The following SDHB variants were observed in gnomAD, a reference collection of about 807,000 sequenced individuals.
SDHB encodes the protein succinate dehydrogenase [ubiquinone] iron-sulfur subunit, mitochondrial.
SDHB carries 21 observed loss-of-function variants against 39.7 expected under a neutral mutation model. That is an observed-to-expected ratio of 0.53 (90% CI 0.37 to 0.76). The LOEUF (loss-of-function observed/expected upper bound fraction) is 0.76. Among genes scored for constraint, SDHB ranks in the 30% least tolerant of loss-of-function variants. SDHB has a pLI of 0.00. For synonymous variants in SDHB, 118 were observed against 117.0 expected, an observed-to-expected ratio of 1.01 and a Z score of -0.06; for missense variants, 343 against 350.9, an observed-to-expected ratio of 0.98 and a Z score of 0.18.
chr1:17,029,330 C>G lies in SDHB; in HGVS notation c.287-594G>C, dbSNP rs1296415156. ...CAGAGACAGGGTTTTGTTATGTTGC[C>G]CAGGCTGGGCTTGAACTGCTGGGCT... On this transcript the variant is annotated intron_variant, in intron 3 of 7. Coordinates refer to ENST00000375499, the MANE Select transcript of SDHB (RefSeq NM_003000.3). Among the ~76,000 whole-genome samples the G allele has an allele frequency of 2.0e-5, 3 of 151,786 alleles. No homozygotes were observed. In the South Asian group the frequency reaches 6.2e-4, roughly 32 times the overall value.
intron 1 of SDHB, among the ~76,000 whole-genome samples, chr1:17,050,070 T>C (rs2078136741): frequency 6.6e-6 from 1 of 152,192 alleles, no homozygotes; most frequent in Admixed American, 6.6e-5. Context: ...CAATGAGGTT[T>C]TCCCTTCAAC....
intron 2 of SDHB, among the ~76,000 whole-genome samples, chr1:17,042,384 G>A (rs528177010): frequency 5.9e-4 from 90 of 152,134 alleles, no homozygotes; most frequent in African/African-American, 1.9e-3. Flanking sequence ...ATTTTTTTCC[G>A]GAGTTGATCA....
At chr1:17,026,627 A>C (rs958215812) in intron 5 of SDHB, among the ~76,000 whole-genome samples, 1 of 152,040 alleles carries the variant, frequency 6.6e-6, no homozygotes, top group Non-Finnish European at 1.5e-5. Context: ...GGCCTCCCTA[A>C]GTGCTGGGAT....
intron 3 of SDHB, among the ~76,000 whole-genome samples, chr1:17,030,544 G>A (rs1008141548): frequency 3.9e-5 from 6 of 152,124 alleles, no homozygotes; most frequent in Admixed American, 2.0e-4. Context: ...CCTACTTCCT[G>A]TATATGGAAA....
At chr1:17,050,375 G>A (rs199935606) in intron 1 of SDHB, among the ~76,000 whole-genome samples, 2 of 148,736 alleles carry the variant, frequency 1.3e-5, no homozygotes, top group Non-Finnish European at 3.0e-5. Flanking sequence ...TAGGCCAGGC[G>A]TGGTGGCTCA....
rs140946647 is a variant in SDHB at position 17,031,499 on chromosome 1, G to T, written c.286+1561C>A. On this transcript the variant is annotated intron_variant, in intron 3 of 7. Coordinates refer to ENST00000375499, the MANE Select transcript of SDHB (RefSeq NM_003000.3). ...TCCTACAGGGAAAGGTTACTGAAAA[G>T]CATCTACCTTTCCTGTGTTGCCAGG... Among the ~76,000 whole-genome samples, 437 of 152,274 alleles carry T rather than the reference G, an allele frequency of 2.9e-3. 5 individuals carry two copies. The highest frequency in any genetic ancestry group is 0.01 in the African/African-American group (419 of 41,564).
chr1:17,034,657 GGT>G (rs1190157457), intron 2 of SDHB, among the ~76,000 whole-genome samples: 7 of 152,166 alleles, frequency 4.6e-5, no homozygotes, highest in Admixed American at 4.6e-4. Context: ...TGGGATTACA[GGT>G]GTGAGCGACT....
intron 1 of SDHB, among the ~76,000 whole-genome samples, chr1:17,053,700 T>TCC (rs35029966): frequency 4.2e-5 from 5 of 118,320 alleles, no homozygotes; most frequent in African/African-American, 9.3e-5. Flanking sequence ...TTTCTGAACG[T>TCC]CCCCCCCCCC....
chr1:17,020,227 A>C (rs755495407), intron 7 of SDHB, among the ~76,000 whole-genome samples: 1 of 152,106 alleles, frequency 6.6e-6, no homozygotes, highest in Non-Finnish European at 1.5e-5. Context: ...TAGACTTAGA[A>C]GGTTGGTACA....
chr1:17,047,173 T>C (rs1313007441), intron 1 of SDHB, among the ~76,000 whole-genome samples: 1 of 151,924 alleles, frequency 6.6e-6, no homozygotes, highest in Non-Finnish European at 1.5e-5. Context: ...CTGGCCAACA[T>C]GGTGAAACTC....
intron 2 of SDHB, among the ~76,000 whole-genome samples, chr1:17,039,938 T>A (rs756098053): frequency 2.6e-5 from 4 of 152,238 alleles, no homozygotes; most frequent in Non-Finnish European, 5.9e-5. Flanking sequence ...AAGAGCCAAG[T>A]TTCCACCTGG....
chr1:17,023,842 C>G (rs1328978742), intron 6 of SDHB, 131 bp downstream of exon 6: 3 of 723,308 alleles, frequency 4.1e-6, no homozygotes, highest in Admixed American at 2.0e-5. Context: ...ACCAATTACC[C>G]TGTTTGGACT....
At chr1:17,021,269 G>A (rs765757561) in intron 7 of SDHB, among the ~76,000 whole-genome samples, 1 of 152,206 alleles carries the variant, frequency 6.6e-6, no homozygotes, top group East Asian at 1.9e-4. Context: ...TATCATAGGA[G>A]TAAGTTCCTG....
chr1:17,019,058 C>G, intron 7 of SDHB, 100 bp from the exon 8 acceptor site: 1 of 913,624 alleles, frequency 1.1e-6, no homozygotes, highest in Non-Finnish European at 1.8e-6. Context: ...GGTTCAGTGT[C>G]CAAGCAAGGT....
intron 2 of SDHB, 135 bp downstream of exon 2, chr1:17,044,626 C>T: frequency 9.0e-7 from 1 of 1,112,510 alleles, no homozygotes; most frequent in Non-Finnish European, 1.3e-6. Flanking sequence ...GTGCCCGGCC[C>T]AAGCTCATTC....
intron 2 of SDHB, among the ~76,000 whole-genome samples, chr1:17,041,134 A>C (rs550391595): frequency 1.4e-3 from 213 of 152,220 alleles, no homozygotes; most frequent in African/African-American, 4.9e-3. Context: ...CGTCTCAAGA[A>C]ACAAACAAAC....
chr1:17,024,086 G>A lies in SDHB; in HGVS notation c.541-12C>T. 6.3e-7 allele frequency: 1 copy of A among 1,586,074 alleles called. No homozygotes were observed. Among genetic ancestry groups the A allele is most frequent in the Non-Finnish European group, 8.6e-7 (1 of 1,156,370 alleles). ...TCGTAGAGCCCGTCCTGTATGGGGA[G>A]AAAAGAGAGGCAGGAGCTTGTGACG... On this transcript the variant is annotated splice_polypyrimidine_tract_variant and intron_variant, in intron 5 of 7. Transcript: ENST00000375499.
chr1:17,044,649 CAG>C (rs2078098725), intron 2 of SDHB, 110 bp downstream of exon 2: 1 of 1,302,350 alleles, frequency 7.7e-7, no homozygotes, highest in Non-Finnish European at 1.1e-6. Context: ...GTTTTAAAAA[CAG>C]AGCCATCGGA....
At chr1:17,050,280 A>T (rs1318688599) in intron 1 of SDHB, among the ~76,000 whole-genome samples, 1 of 152,054 alleles carries the variant, frequency 6.6e-6, no homozygotes, top group Non-Finnish European at 1.5e-5. Context: ...TCCCAACATC[A>T]GTTTTGGAGT....
Sources: gnomAD v4.1 joint callset for allele counts (sites outside exome capture counted in the v4.1 genomes callset) on GRCh38, gnomAD v4.1.1 for gene constraint, MANE v1.5 for transcripts, NCBI Gene and HGNC (gene_info 2026-07-23, HGNC 2026-07-21) for gene names.